TGS1: variants seen among roughly 807,000 people sequenced by gnomAD.
TGS1 encodes trimethylguanosine synthase.
TGS1 carries 69 observed loss-of-function variants against 92.2 expected under a neutral mutation model. The observed-to-expected ratio is 0.75, with a 90% CI of 0.62 to 0.91. TGS1 has a LOEUF of 0.91. Ranked by LOEUF, TGS1 falls within the 40% of genes least tolerant of loss-of-function variation. The pLI is 0.00. For synonymous variants in TGS1, 345 were observed against 338.1 expected (o/e 1.02, Z -0.22); for missense variants, 1,062 against 1,001.2 (o/e 1.06, Z -0.82).
chr8:55,804,667 A>G (rs1224872634), intron 9 of TGS1, among the ~76,000 whole-genome samples: 2 of 152,214 alleles, frequency 1.3e-5, no homozygotes, highest in African/African-American at 4.8e-5. Flanking sequence ...ATTACAAAAG[A>G]ATTAGGTTAA....
intron 10 of TGS1, among the ~76,000 whole-genome samples, chr8:55,809,475 TGGG>T (rs1162566707): frequency 6.6e-6 from 1 of 151,322 alleles, no homozygotes; most frequent in Admixed American, 6.6e-5. Context: ...TTTGCAGTTG[TGGG>T]GTGCAGGTGT....
At chr8:55,796,824 C>G (rs757522186) in intron 7 of TGS1, among the ~76,000 whole-genome samples, 1 of 151,512 alleles carries the variant, frequency 6.6e-6, no homozygotes, top group African/African-American at 2.4e-5. Flanking sequence ...AACCCCATCT[C>G]TACTAAAAAT....
chr8:55,817,338 TAG>T (rs762128727), intron 12 of TGS1, among the ~76,000 whole-genome samples: 2 of 152,224 alleles, frequency 1.3e-5, no homozygotes, highest in Non-Finnish European at 2.9e-5. Flanking sequence ...TACTTATTTA[TAG>T]GTAATATTTC....
chr8:55,806,356 CAAAAA>C lies in TGS1; in HGVS notation c.2143+1337_2143+1341del, dbSNP rs1047234489. Among the ~76,000 whole-genome samples, 26 of 38,994 alleles carry C rather than the reference CAAAAA, an allele frequency of 6.7e-4. No individual in the cohort carries two copies. The Admixed American group carries it at 7.1e-3, about 11-fold the overall frequency. The allele number at this position is 38,994 out of a possible 152,430, so 25.6% of individuals were successfully genotyped here. ...TGGGCAACAGAGCGAGACTCCACCT[CAAAAA>C]AAAAAAAAAAAAAAAAGACAAAAGA... On this transcript the variant is annotated intron_variant, in intron 10 of 12. Transcript: ENST00000260129.
At chr8:55,794,189 C>G (rs562033452) in intron 6 of TGS1, among the ~76,000 whole-genome samples, 4 of 152,140 alleles carry the variant, frequency 2.6e-5, no homozygotes, top group Non-Finnish European at 5.9e-5. Flanking sequence ...TCCTTAGGGT[C>G]TCGCTCTGTA....
chr8:55,785,696 A>G (rs1811687698), intron 2 of TGS1, 23 bp from the exon 3 acceptor site: 2 of 1,482,560 alleles, frequency 1.3e-6, no homozygotes, highest in Non-Finnish European at 1.8e-6. Context: ...CCTTAAAACT[A>G]AGCTAATAAA....
At chr8:55,810,841 C>T (rs755536944) in intron 10 of TGS1, 40 bp from the exon 11 acceptor site, 1 of 1,460,114 alleles carries the variant, frequency 6.8e-7, no homozygotes, top group Non-Finnish European at 9.6e-7. Flanking sequence ...AAGTAATAAT[C>T]AGTGTCAATT....
intron 1 of TGS1, among the ~76,000 whole-genome samples, chr8:55,776,277 C>CTTTTT (rs71256565): frequency 8.3e-6 from 1 of 120,530 alleles, no homozygotes; most frequent in African/African-American, 3.2e-5. Context: ...TTCACGGTGT[C>CTTTTT]TTTTTTTTTT....
At chr8:55,774,439 T>C (rs1192352494) in intron 1 of TGS1, among the ~76,000 whole-genome samples, 1 of 152,248 alleles carries the variant, frequency 6.6e-6, no homozygotes, top group Non-Finnish European at 1.5e-5. Flanking sequence ...AGACTTTTAA[T>C]ATAGTTTAAT....
intron 5 of TGS1, among the ~76,000 whole-genome samples, chr8:55,791,137 T>G (rs1189174160): frequency 6.6e-6 from 1 of 152,220 alleles, no homozygotes; most frequent in Non-Finnish European, 1.5e-5. Context: ...TTCACAGCAA[T>G]GGCAGCTCTA....
intron 4 of TGS1, 70 bp downstream of exon 4, chr8:55,787,130 C>G: frequency 9.5e-7 from 1 of 1,050,732 alleles, no homozygotes; most frequent in Non-Finnish European, 1.4e-6. Context: ...AAAATAACTA[C>G]TAATCCTTTA....
At chr8:55,785,447 C>A (rs1811680774) in intron 2 of TGS1, among the ~76,000 whole-genome samples, 1 of 151,984 alleles carries the variant, frequency 6.6e-6, no homozygotes, top group African/African-American at 2.4e-5. Context: ...CAACTGTAAT[C>A]CTAGCTGCTT....
chr8:55,775,155 T>G (rs72651435), intron 1 of TGS1, among the ~76,000 whole-genome samples: 17,570 of 151,394 alleles, frequency 0.12, 1,221 homozygotes, highest in Middle Eastern at 0.17. Flanking sequence ...TCTGGAGGCT[T>G]GGGCCAGATG....
intron 9 of TGS1, among the ~76,000 whole-genome samples, chr8:55,803,151 A>G (rs199546384): frequency 6.7e-6 from 1 of 149,166 alleles, no homozygotes; most frequent in East Asian, 2.0e-4. Context: ...GTGTGTGTGT[A>G]TTTTTAAAAT....
At chr8:55,801,539 G>T (rs1482105114) in intron 8 of TGS1, among the ~76,000 whole-genome samples, 1 of 144,040 alleles carries the variant, frequency 6.9e-6, no homozygotes, top group East Asian at 2.1e-4. Context: ...CTCCCAAAGT[G>T]CTGGGATTAT....
intron 8 of TGS1, among the ~76,000 whole-genome samples, chr8:55,801,582 CTTTTT>C (rs1212417955): frequency 8.3e-5 from 4 of 48,216 alleles, no homozygotes; most frequent in African/African-American, 9.4e-5. Context: ...CCCCATCGTT[CTTTTT>C]TTTTTTTTTT....
intron 12 of TGS1, among the ~76,000 whole-genome samples, chr8:55,818,681 A>G (rs944515825): frequency 1.3e-5 from 2 of 152,236 alleles, no homozygotes; most frequent in Non-Finnish European, 2.9e-5. Flanking sequence ...GAAGACACAA[A>G]TGCAGCTTTG....
chr8:55,801,067 A>G lies in TGS1; in HGVS notation c.1850-1390A>G, dbSNP rs1430512885. Among the ~76,000 whole-genome samples the G allele has an allele frequency of 4.6e-5, 7 of 152,248 alleles. No individual in the cohort carries two copies. In the East Asian group the frequency reaches 5.8e-4, roughly 13 times the overall value. The stretch of plus-strand genomic sequence containing the variant: ...AGTGACCCTTGTTTCAGTTTCTCAG[A>G]TGCCATGTGACTTCAATGTGGCTGA... On this transcript the variant is annotated intron_variant, in intron 8 of 12. Transcript: ENST00000260129.
intron 1 of TGS1, among the ~76,000 whole-genome samples, chr8:55,780,146 C>G (rs902797645): frequency 8.7e-5 from 13 of 149,878 alleles, no homozygotes; most frequent in Admixed American, 2.7e-4. Context: ...CATGAGCCAC[C>G]ATGTCTGGCA....
Sources: gnomAD v4.1 joint callset for allele counts (sites outside exome capture counted in the v4.1 genomes callset) on GRCh38, gnomAD v4.1.1 for gene constraint, MANE v1.5 for transcripts, NCBI Gene and HGNC (gene_info 2026-07-23, HGNC 2026-07-21) for gene names.